The following SLC35F3 variants were observed in gnomAD, a reference collection of about 807,000 sequenced individuals.
The protein encoded by SLC35F3 is solute carrier family 35 member F3.
Under a neutral mutation model 49.9 loss-of-function variants are expected in SLC35F3, and 25 were observed. That is an observed-to-expected ratio of 0.50 (90% CI 0.37 to 0.70). SLC35F3 has a LOEUF of 0.70. Ranked by LOEUF, SLC35F3 falls within the 30% of genes least tolerant of loss-of-function variation. The pLI is 0.00. For synonymous variants in SLC35F3, 275 were observed against 265.4 expected (o/e 1.04, Z -0.35); for missense variants, 525 against 639.8 (o/e 0.82, Z 1.94).
intron 3 of SLC35F3, among the ~76,000 whole-genome samples, chr1:234,257,701 T>C (rs1271571594): frequency 1.3e-5 from 2 of 152,084 alleles, no homozygotes; most frequent in Non-Finnish European, 2.9e-5. Context: ...GTTGTAAAAG[T>C]GCGTTCAAGA....
At chr1:234,317,536 AC>A (rs1657520481) in intron 5 of SLC35F3, among the ~76,000 whole-genome samples, 1 of 152,258 alleles carries the variant, frequency 6.6e-6, no homozygotes, top group South Asian at 2.1e-4. Flanking sequence ...GTGGATCCAG[AC>A]AATAGGACTG....
intron 2 of SLC35F3, among the ~76,000 whole-genome samples, chr1:234,209,939 A>T (rs1027962927): frequency 5.3e-5 from 8 of 152,188 alleles, no homozygotes; most frequent in Non-Finnish European, 8.8e-5. Context: ...AAAAACAGAC[A>T]AATATTTATT....
At chr1:234,163,060 G>A (rs1247940083) in intron 2 of SLC35F3, among the ~76,000 whole-genome samples, 1 of 152,150 alleles carries the variant, frequency 6.6e-6, no homozygotes, top group East Asian at 1.9e-4. Context: ...AGCTCCCACA[G>A]CTCCTTGCAC....
intron 2 of SLC35F3, among the ~76,000 whole-genome samples, chr1:233,911,832 G>T (rs764812745): frequency 6.6e-6 from 1 of 152,148 alleles, no homozygotes; most frequent in Non-Finnish European, 1.5e-5. Context: ...CACCTCCAGG[G>T]AAGTGAAGTC....
chr1:234,147,730 A>C (rs1245437693), intron 2 of SLC35F3, among the ~76,000 whole-genome samples: 1 of 152,208 alleles, frequency 6.6e-6, no homozygotes, highest in Non-Finnish European at 1.5e-5. Flanking sequence ...TTTGGTCCCT[A>C]CCACTCTCCT....
intron 2 of SLC35F3, among the ~76,000 whole-genome samples, chr1:233,986,744 T>A (rs536132113): frequency 1.3e-5 from 2 of 152,338 alleles, no homozygotes; most frequent in South Asian, 4.1e-4. Context: ...CCTTGATGGG[T>A]TCAACCATCT....
chr1:234,253,733 A>G (rs1454992373), intron 3 of SLC35F3, among the ~76,000 whole-genome samples: 1 of 152,258 alleles, frequency 6.6e-6, no homozygotes, highest in Non-Finnish European at 1.5e-5. Context: ...AAAAGCATGT[A>G]TAGAAAATGG....
intron 2 of SLC35F3, among the ~76,000 whole-genome samples, chr1:233,906,943 A>C (rs976039677): frequency 2.0e-5 from 3 of 152,194 alleles, no homozygotes; most frequent in Non-Finnish European, 2.9e-5. Flanking sequence ...GCCTTTAAAA[A>C]AATTGTCTGT....
intron 2 of SLC35F3, among the ~76,000 whole-genome samples, chr1:233,979,285 C>G (rs974814783): frequency 1.3e-5 from 2 of 152,128 alleles, no homozygotes; most frequent in African/African-American, 4.8e-5. Context: ...ATTCAAGTCT[C>G]TCTTCACGTT....
intron 2 of SLC35F3, among the ~76,000 whole-genome samples, chr1:234,101,799 A>T (rs978632560): frequency 6.6e-6 from 1 of 152,250 alleles, no homozygotes; most frequent in Non-Finnish European, 1.5e-5. Context: ...ACGTGGGTCA[A>T]ATAGTGGCTA....
At chr1:233,912,441 C>T (rs775063407) in intron 2 of SLC35F3, among the ~76,000 whole-genome samples, 6 of 152,236 alleles carry the variant, frequency 3.9e-5, no homozygotes, top group South Asian at 2.1e-4. Context: ...CGTGCCACTG[C>T]ACTCCATCCT....
intron 3 of SLC35F3, among the ~76,000 whole-genome samples, chr1:234,288,204 T>C (rs924176157): frequency 2.0e-5 from 3 of 152,268 alleles, no homozygotes; most frequent in South Asian, 2.1e-4. Context: ...AAAATCTTTA[T>C]GTAACCCAAA....
intron 2 of SLC35F3, among the ~76,000 whole-genome samples, chr1:234,137,965 G>T (rs1466181009): frequency 2.6e-5 from 4 of 152,038 alleles, no homozygotes; most frequent in Non-Finnish European, 5.9e-5. Flanking sequence ...GATGGTCATT[G>T]TTTCTTTCAG....
At chr1:234,259,384 G>A (rs572752957) in intron 3 of SLC35F3, among the ~76,000 whole-genome samples, 95 of 152,172 alleles carry the variant, frequency 6.2e-4, no homozygotes, top group African/African-American at 2.2e-3. Context: ...AAAGAAATAG[G>A]GTTTTTATTC....
intron 2 of SLC35F3, among the ~76,000 whole-genome samples, chr1:234,041,429 C>T (rs1476304190): frequency 6.6e-6 from 1 of 152,048 alleles, no homozygotes; most frequent in Non-Finnish European, 1.5e-5. Flanking sequence ...TTTCCACCTA[C>T]ATCCATTGAC....
intron 2 of SLC35F3, among the ~76,000 whole-genome samples, chr1:233,952,636 A>G (rs1357520488): frequency 6.6e-6 from 1 of 152,128 alleles, no homozygotes; most frequent in East Asian, 1.9e-4. Flanking sequence ...TGTCTCCCAC[A>G]CACCACACCC....
intron 2 of SLC35F3, among the ~76,000 whole-genome samples, chr1:234,172,131 G>C (rs912740693): frequency 4.6e-5 from 7 of 152,188 alleles, no homozygotes; most frequent in Admixed American, 6.5e-5. Flanking sequence ...GACACCTCCA[G>C]TCCAGACCCC....
chr1:234,020,135 A>AC (rs377509140), intron 2 of SLC35F3, among the ~76,000 whole-genome samples: 17 of 120,474 alleles, frequency 1.4e-4, no homozygotes, highest in African/African-American at 3.6e-4. Context: ...CATCCCACAC[A>AC]AAAAAAAAAA....
At chr1:234,031,443 G>A (rs1464499807) in intron 2 of SLC35F3, among the ~76,000 whole-genome samples, 1 of 152,210 alleles carries the variant, frequency 6.6e-6, no homozygotes, top group Non-Finnish European at 1.5e-5. Context: ...TAACTTGGCA[G>A]AGTCACAGCT....
Sources: allele counts gnomAD v4.1 joint callset (sites outside exome capture counted in the v4.1 genomes callset), GRCh38; gene constraint gnomAD v4.1.1; transcripts MANE v1.5; gene names NCBI Gene and HGNC (gene_info 2026-07-23, HGNC 2026-07-21).